Variants in KLHL6 observed in about 807,000 individuals in gnomAD.
The protein encoded by KLHL6 is kelch-like protein 6.
KLHL6 carries 41 observed loss-of-function variants against 58.6 expected under a neutral mutation model. The observed-to-expected ratio is 0.70, with a 90% CI of 0.55 to 0.91. KLHL6 has a LOEUF of 0.91. Among genes scored for constraint, KLHL6 ranks in the 40% least tolerant of loss-of-function variants. The probability of loss-of-function intolerance (pLI) is 0.00; values close to 1 mark genes in which losing one functional copy is unlikely to be tolerated. For missense variants in KLHL6, 714 were observed against 805.6 expected (o/e 0.89, Z 1.38); for synonymous variants, 338 against 322.7 (o/e 1.05, Z -0.51).
intron 5 of KLHL6, chr3:183,493,009 G>A (rs914164578): frequency 5.5e-6 from 2 of 363,842 alleles, no homozygotes. Context: ...CAGTGTGGGA[G>A]GAAAATGATG....
intron 2 of KLHL6, among the ~76,000 whole-genome samples, chr3:183,515,626 C>T (rs553452353): frequency 3.3e-5 from 5 of 152,274 alleles, no homozygotes; most frequent in South Asian, 2.1e-4. Flanking sequence ...TTAAAAGCTA[C>T]TTCTTCCTTG....
intron 1 of KLHL6, among the ~76,000 whole-genome samples, chr3:183,529,821 C>T (rs570325715): frequency 1.3e-5 from 2 of 151,978 alleles, no homozygotes; most frequent in African/African-American, 2.4e-5. Context: ...ACTCTAACCC[C>T]GCAGTGTGAC....
chr3:183,547,369 AT>A (rs1712761611), intron 1 of KLHL6, among the ~76,000 whole-genome samples: 1 of 152,176 alleles, frequency 6.6e-6, no homozygotes, highest in East Asian at 1.9e-4. Flanking sequence ...TGGCTCCCAG[AT>A]TTTTGGGTAA....
chr3:183,501,481 G>C (rs746773035), intron 3 of KLHL6, among the ~76,000 whole-genome samples: 1 of 152,126 alleles, frequency 6.6e-6, no homozygotes, highest in Admixed American at 6.5e-5. Flanking sequence ...CTTCACTTCC[G>C]GGAACCAGGC....
chr3:183,515,583 T>C (rs184731441), intron 2 of KLHL6, among the ~76,000 whole-genome samples: 38 of 152,168 alleles, frequency 2.5e-4, no homozygotes, highest in Non-Finnish European at 4.6e-4. Flanking sequence ...AGAAGAATTG[T>C]AGAGAAATCC....
chr3:183,499,452 G>T lies in KLHL6; in HGVS notation c.1147+138C>A. 1 of 621,702 alleles carries T rather than the reference G, an allele frequency of 1.6e-6. No homozygotes were observed. The highest frequency in any genetic ancestry group is 2.8e-6 in the Non-Finnish European group (1 of 351,094). 38.5% of individuals were successfully genotyped at this position (621,702 alleles called of 1,614,324 possible). On this transcript the variant is annotated intron_variant, in intron 4 of 6. Coordinates refer to ENST00000341319, the MANE Select transcript of KLHL6 (RefSeq NM_130446.4). The surrounding 1 kb of genome is among the most constrained non-coding windows in gnomAD (Gnocchi z 4.6). The stretch of plus-strand genomic sequence containing the variant: ...CCAAGATAAGACCACCTGAGCTCCT[G>T]GGTCCATATCCTGTCTCAGTCAGAG...
intron 1 of KLHL6, among the ~76,000 whole-genome samples, chr3:183,554,720 G>A (rs1713046751): frequency 6.6e-6 from 1 of 152,152 alleles, no homozygotes; most frequent in South Asian, 2.1e-4. Flanking sequence ...TCCAACACCA[G>A]TCAGACCAAG....
At chr3:183,526,182 A>G (rs1326609672) in intron 2 of KLHL6, among the ~76,000 whole-genome samples, 2 of 152,246 alleles carry the variant, frequency 1.3e-5, no homozygotes. Context: ...GTGGTGGCAC[A>G]TGCCTGTAAT....
At chr3:183,495,907 A>T (rs551810955) in intron 4 of KLHL6, among the ~76,000 whole-genome samples, 8 of 152,218 alleles carry the variant, frequency 5.3e-5, no homozygotes, top group African/African-American at 1.9e-4. Context: ...ATATATACAG[A>T]TCATTAAATA....
chr3:183,490,353 C>T lies in KLHL6; in HGVS notation c.*1574G>A, dbSNP rs1717509334. On this transcript the variant is annotated 3_prime_UTR_variant, in exon 7 of 7. Coordinates refer to ENST00000341319, the MANE Select transcript of KLHL6 (RefSeq NM_130446.4). ...TAGGCCAGCTGTGCTCAGGTGTTTA[C>T]TTTTTTAATAAAACAGTAGTTTGAG... is the stretch of plus-strand genomic sequence containing the variant. 1 of 152,126 alleles carries T rather than the reference C, an allele frequency of 6.6e-6. No individual in the cohort carries two copies. 9.4% of individuals were successfully genotyped at this position (152,126 alleles called of 1,614,324 possible). A position where few individuals can be genotyped will look rare whatever the true frequency, so the allele number is the denominator to read the frequency against.
chr3:183,537,485 A>C (rs1387835289), intron 1 of KLHL6, among the ~76,000 whole-genome samples: 3 of 152,208 alleles, frequency 2.0e-5, no homozygotes, highest in Non-Finnish European at 1.5e-5. Flanking sequence ...TTGTTGTAAA[A>C]CAGAGGTAGC....
At chr3:183,495,882 C>T (rs1290170430) in intron 4 of KLHL6, among the ~76,000 whole-genome samples, 1 of 152,028 alleles carries the variant, frequency 6.6e-6, no homozygotes, top group Non-Finnish European at 1.5e-5. Context: ...AACAAGAGCA[C>T]AGAAACGGAC....
intron 1 of KLHL6, among the ~76,000 whole-genome samples, chr3:183,547,157 C>T (rs953755682): frequency 1.3e-5 from 2 of 152,192 alleles, no homozygotes; most frequent in African/African-American, 4.8e-5. Flanking sequence ...AGGTGATCCA[C>T]CAGCTTCAGC....
At chr3:183,533,011 C>G (rs114743757) in intron 1 of KLHL6, among the ~76,000 whole-genome samples, 1 of 152,148 alleles carries the variant, frequency 6.6e-6, no homozygotes, top group Non-Finnish European at 1.5e-5. Context: ...GTAGCCACAC[C>G]GCTAGGGAAC....
rs1206612132 is a variant in KLHL6, at chr3:183,530,188, C to A, written c.294-2178G>T. On this transcript the variant is annotated intron_variant, in intron 1 of 6. Transcript: ENST00000341319. ...AAGTGGGGCGCTGCTGTCACAAATACTGAAAAAATGTGAAAACAGCTTTGG... is the reference window on the plus strand; with the variant it reads ...AAGTGGGGCGCTGCTGTCACAAATAATGAAAAAATGTGAAAACAGCTTTGG... Among the ~76,000 whole-genome samples, 6 of 152,096 alleles carry A rather than the reference C, an allele frequency of 3.9e-5. No homozygotes were observed. The East Asian group carries it at 1.2e-3, about 29-fold the overall frequency.
intron 2 of KLHL6, among the ~76,000 whole-genome samples, chr3:183,514,063 T>C (rs1234392038): frequency 6.6e-6 from 1 of 152,242 alleles, no homozygotes; most frequent in Non-Finnish European, 1.5e-5. Context: ...TCCTTTTTTA[T>C]GGCTGCGAGC....
At chr3:183,524,068 T>C (rs531908670) in intron 2 of KLHL6, among the ~76,000 whole-genome samples, 28 of 151,830 alleles carry the variant, frequency 1.8e-4, no homozygotes, top group African/African-American at 6.3e-4. Context: ...GCCTCATGAG[T>C]TTTTAATAAT....
Position 183,497,620 on chromosome 3 carries a change from G to A in KLHL6, c.1147+1970C>T, listed in dbSNP as rs189481377. Reference sequence around the variant, plus strand: ...AAATTGATGGCACTTCCAGGCTGAGGCTTTTATGAGCAGGTGTGACTTCTC... The same window carrying A: ...AAATTGATGGCACTTCCAGGCTGAGACTTTTATGAGCAGGTGTGACTTCTC... On this transcript the variant is annotated intron_variant, in intron 4 of 6. Coordinates refer to ENST00000341319, the MANE Select transcript of KLHL6 (RefSeq NM_130446.4). 2.6e-5 allele frequency among the ~76,000 whole-genome samples: 4 copies of A among 152,134 alleles called. No homozygotes were observed. The South Asian group carries it at 8.3e-4, about 32-fold the overall frequency.
At chr3:183,527,548 T>C (rs1404285054) in intron 2 of KLHL6, among the ~76,000 whole-genome samples, 1 of 152,176 alleles carries the variant, frequency 6.6e-6, no homozygotes, top group African/African-American at 2.4e-5. Context: ...TTATTGTTCT[T>C]GGAGTCAGGA....
Sources: allele counts gnomAD v4.1 joint callset (sites outside exome capture counted in the v4.1 genomes callset), GRCh38; gene constraint gnomAD v4.1.1; non-coding constraint Gnocchi (gnomAD v3.1); transcripts MANE v1.5; gene names NCBI Gene and HGNC (gene_info 2026-07-23, HGNC 2026-07-21).